ENTPD5: variants seen among roughly 807,000 people sequenced by gnomAD.
ENTPD5 encodes the protein nucleoside diphosphate phosphatase ENTPD5.
A neutral mutation model predicts 60.2 loss-of-function variants in ENTPD5; 49 were observed. The ratio of observed to expected loss-of-function variants is 0.81; its 90% CI spans 0.65 to 1.03. The LOEUF is 1.03. Ranked by LOEUF, ENTPD5 falls within the 50% of genes least tolerant of loss-of-function variation. The probability of loss-of-function intolerance (pLI) is 0.00; values close to 1 mark genes in which losing one functional copy is unlikely to be tolerated. For missense variants in ENTPD5, 480 were observed against 507.6 expected (o/e 0.95, Z 0.52); for synonymous variants, 187 against 185.4 (o/e 1.01, Z -0.07).
In ENTPD5 at chr14:73,966,798, G is replaced by A. The variant is rs917160814; in HGVS notation, c.*130C>T. The A allele has an allele frequency of 1.4e-6, 1 of 700,428 alleles. No individual in the cohort carries two copies. Among genetic ancestry groups the A allele is most frequent in the Admixed American group, 2.5e-5 (1 of 39,304 alleles). 43.4% of individuals were successfully genotyped at this position (700,428 alleles called of 1,614,324 possible). ...TTAGGCAGCAGTTCACATTAGATGT[G>A]TAAAATTAATTAAACCTAAATCTCT... On this transcript the variant is annotated 3_prime_UTR_variant, in exon 16 of 16. Transcript: ENST00000334696.
Position 73,965,418 on chromosome 14 carries a change from G to C in ENTPD5, c.*1510C>G, listed in dbSNP as rs903929349. 10 of 152,204 alleles carry C rather than the reference G, an allele frequency of 6.6e-5. No individual in the cohort carries two copies. The highest frequency in any genetic ancestry group is 2.2e-4 in the African/African-American group (9 of 41,434). 9.4% of individuals were successfully genotyped at this position (152,204 alleles called of 1,614,324 possible). On this transcript the variant is annotated 3_prime_UTR_variant, in exon 16 of 16. Coordinates refer to ENST00000334696, the MANE Select transcript of ENTPD5 (RefSeq NM_001249.5). ...AGCACTGCAGGGCAGATGAGAAGCAGGGATGATTATGTTGAAAGTGCAAGA... is the reference window on the plus strand; with the variant it reads ...AGCACTGCAGGGCAGATGAGAAGCACGGATGATTATGTTGAAAGTGCAAGA...
At chr14:73,973,684 T>G (rs1034568939) in intron 12 of ENTPD5, among the ~76,000 whole-genome samples, 193 bp downstream of exon 12, 3 of 152,164 alleles carry the variant, frequency 2.0e-5, no homozygotes, top group African/African-American at 7.2e-5. Flanking sequence ...TCCATGACAC[T>G]TGGCTGATGC....
At chr14:73,984,993 T>C (rs1390266241) in intron 5 of ENTPD5, among the ~76,000 whole-genome samples, 2 of 152,310 alleles carry the variant, frequency 1.3e-5, no homozygotes, top group Admixed American at 1.3e-4. Flanking sequence ...ATGCGGTGTT[T>C]GGTTTTCTGT....
At chr14:74,009,095 C>T (rs972949567) in intron 3 of ENTPD5, 1 of 152,232 alleles carries the variant, frequency 6.6e-6, no homozygotes, top group African/African-American at 2.4e-5. Flanking sequence ...CTTGACTTTG[C>T]TACAATAATC....
chr14:73,969,599 G>A (rs1234030765), intron 15 of ENTPD5, among the ~76,000 whole-genome samples: 1 of 152,112 alleles, frequency 6.6e-6, no homozygotes, highest in Non-Finnish European at 1.5e-5. Flanking sequence ...AGCTACTTGG[G>A]AGGCTGAGGC....
intron 3 of ENTPD5, among the ~76,000 whole-genome samples, chr14:74,001,217 G>T (rs1382366419): frequency 1.3e-5 from 2 of 151,824 alleles, no homozygotes; most frequent in Admixed American, 1.3e-4. Context: ...AATTAGCAGG[G>T]TGTGTCTGGG....
At chr14:74,015,277 A>G (rs1467241026) in intron 2 of ENTPD5, among the ~76,000 whole-genome samples, 1 of 151,980 alleles carries the variant, frequency 6.6e-6, no homozygotes, top group African/African-American at 2.4e-5. Flanking sequence ...GGTAAACCCG[A>G]ATAAAGTTAT....
intron 6 of ENTPD5, among the ~76,000 whole-genome samples, chr14:73,982,506 C>T (rs2057733358): frequency 1.3e-5 from 2 of 152,000 alleles, no homozygotes; most frequent in South Asian, 4.1e-4. Context: ...CCTGTAATTC[C>T]AGCACTTTGG....
chr14:73,988,125 G>A lies in ENTPD5; in HGVS notation c.-23C>T, dbSNP rs1374692477. Reference sequence around the variant, plus strand: ...CATTCTTTTCCCAAGATGTGGCTGGGTGGAGGCTTTTGTTGCAGAAGCAAT... The same window carrying A: ...CATTCTTTTCCCAAGATGTGGCTGGATGGAGGCTTTTGTTGCAGAAGCAAT... On this transcript the variant is annotated 5_prime_UTR_variant, in exon 4 of 16. Coordinates refer to ENST00000334696, the MANE Select transcript of ENTPD5 (RefSeq NM_001249.5). The A allele has an allele frequency of 6.3e-7, 1 of 1,592,478 alleles. No homozygotes were observed. The highest frequency in any genetic ancestry group is 1.1e-5 in the South Asian group (1 of 88,244).
At chr14:74,006,352 C>T (rs71429030) in intron 3 of ENTPD5, among the ~76,000 whole-genome samples, 16,948 of 148,172 alleles carry the variant, frequency 0.11, 1,262 homozygotes, top group Admixed American at 0.2. Flanking sequence ...GGCACAATCT[C>T]GGCTCACTGC....
At chr14:74,018,028 A>G (rs2059102942) in intron 1 of ENTPD5, among the ~76,000 whole-genome samples, 1 of 151,762 alleles carries the variant, frequency 6.6e-6, no homozygotes, top group African/African-American at 2.4e-5. Flanking sequence ...CCAAAAATAC[A>G]AAAATTAGCC....
At chr14:73,984,176 C>G (rs745329708) in intron 5 of ENTPD5, among the ~76,000 whole-genome samples, 14 of 152,100 alleles carry the variant, frequency 9.2e-5, no homozygotes, top group Non-Finnish European at 2.1e-4. Context: ...TACAGGCATG[C>G]GCCACAGCAC....
intron 2 of ENTPD5, among the ~76,000 whole-genome samples, chr14:74,015,379 G>A (rs1417657787): frequency 1.8e-5 from 2 of 113,140 alleles, no homozygotes; most frequent in African/African-American, 3.6e-5. Flanking sequence ...TTTTTTTTGA[G>A]AAACAGTCAC....
At chr14:73,955,907 A>G (rs770603782), downstream of ENTPD5, 1 of 1,614,122 alleles carries the variant, frequency 6.2e-7, no homozygotes, top group Non-Finnish European at 8.5e-7. Flanking sequence ...TGCTCTCACT[A>G]AGCAGTTGGA....
In ENTPD5 at chr14:73,977,306, G is replaced by C. The variant is rs143835358; in HGVS notation, c.510C>G (p.Ser170=). The stretch of plus-strand genomic sequence containing the variant: ...TATCAACACCTCTCCCACCTTCGTC[G>C]GATCCATCCATGATGCTAACACTGC... ...PKGSVSIMDG[S]DEGILAWVTV... The change falls in exon 7 of 16, where the codon TCC becomes TCG. Residue 170 remains serine, a synonymous_variant. Transcript: ENST00000334696. 2 of 1,610,436 alleles carry C rather than the reference G, an allele frequency of 1.2e-6. No homozygotes were observed. The highest frequency in any genetic ancestry group is 1.7e-6 in the Non-Finnish European group (2 of 1,178,366).
chr14:74,007,552 ATT>A (rs1412216315), intron 3 of ENTPD5: 1 of 152,034 alleles, frequency 6.6e-6, no homozygotes, highest in East Asian at 1.9e-4. Flanking sequence ...CTGAAGAGGT[ATT>A]TGGTGAAAAG....
intron 10 of ENTPD5, among the ~76,000 whole-genome samples, chr14:73,975,204 G>A (rs750877696): frequency 2.6e-5 from 4 of 152,000 alleles, no homozygotes; most frequent in Non-Finnish European, 4.4e-5. Context: ...TCATTCAAAG[G>A]CCAGAGACAG....
intron 10 of ENTPD5, 119 bp downstream of exon 10, chr14:73,975,817 G>A (rs1237554923): frequency 2.4e-6 from 2 of 817,574 alleles, no homozygotes; most frequent in Admixed American, 4.8e-5. Context: ...ATAGGCCTTA[G>A]GGAATTGGCA....
intron 2 of ENTPD5, among the ~76,000 whole-genome samples, chr14:74,013,865 T>C (rs1032878404): frequency 6.6e-6 from 1 of 152,204 alleles, no homozygotes; most frequent in African/African-American, 2.4e-5. Flanking sequence ...GACAGATCCA[T>C]GACATAAAAA....
Sources: gnomAD v4.1 joint callset for allele counts (sites outside exome capture counted in the v4.1 genomes callset) on GRCh38, gnomAD v4.1.1 for gene constraint, MANE v1.5 for transcripts, NCBI Gene and HGNC (gene_info 2026-07-23, HGNC 2026-07-21) for gene names.